HSF2BP: variants seen among roughly 807,000 people sequenced by gnomAD.
HSF2BP encodes the protein heat shock factor 2-binding protein.
In HSF2BP, 35 loss-of-function variants were observed where a neutral mutation model predicts 35.0. That is an observed-to-expected ratio of 1.00 (90% confidence interval 0.76 to 1.32). The LOEUF (loss-of-function observed/expected upper bound fraction) is 1.32. Among genes scored for constraint, HSF2BP ranks in the 40% most tolerant of loss-of-function variants. The pLI is 0.00. For missense variants in HSF2BP, 326 were observed against 321.7 expected (o/e 1.01, Z -0.10); for synonymous variants, 114 against 117.4 (o/e 0.97, Z 0.18).
intron 6 of HSF2BP, among the ~76,000 whole-genome samples, chr21:43,619,962 C>A (rs1366251369): frequency 6.6e-6 from 1 of 152,186 alleles, no homozygotes; most frequent in African/African-American, 2.4e-5. Context: ...TGTGACCTCC[C>A]CCATTCGGGA....
the HSF2BP span, among the ~76,000 whole-genome samples, chr21:43,467,952 A>G: frequency 1.4e-5 from 1 of 72,478 alleles, no homozygotes; most frequent in Non-Finnish European, 2.8e-5. Context: ...CACCACACAC[A>G]CCACACTTAC....
chr21:43,642,899 A>G (rs575409333), intron 4 of HSF2BP, among the ~76,000 whole-genome samples: 87 of 150,034 alleles, frequency 5.8e-4, no homozygotes, highest in African/African-American at 2.0e-3. Flanking sequence ...TCCCAGGTTC[A>G]AGCAATTCTC....
chr21:43,581,976 G>C (rs1231638873), intron 8 of HSF2BP, among the ~76,000 whole-genome samples: 1 of 142,466 alleles, frequency 7.0e-6, no homozygotes, highest in Admixed American at 6.9e-5. Context: ...GGCCTGCTGT[G>C]GGGGATGAGG....
intron 1 of HSF2BP, among the ~76,000 whole-genome samples, chr21:43,658,751 G>T (rs2082917902): frequency 6.6e-6 from 1 of 152,224 alleles, no homozygotes; most frequent in African/African-American, 2.4e-5. Context: ...TGCTCGCCAG[G>T]CCTCGGGACG....
chr21:43,577,702 G>A (rs963419248), intron 8 of HSF2BP, among the ~76,000 whole-genome samples: 14 of 152,300 alleles, frequency 9.2e-5, no homozygotes, highest in African/African-American at 3.4e-4. Flanking sequence ...TGACCTGCAC[G>A]TATACACCCA....
At chr21:43,466,533 A>AC in the HSF2BP span, among the ~76,000 whole-genome samples, 145 of 14,776 alleles carry the variant, frequency 9.8e-3, 48 homozygotes, top group African/African-American at 0.097. Context: ...CCAACGAGGC[A>AC]CCCCCCCCCC....
chr21:43,574,498 C>T (rs1030504319), intron 8 of HSF2BP, among the ~76,000 whole-genome samples: 1 of 152,142 alleles, frequency 6.6e-6, no homozygotes, highest in Non-Finnish European at 1.5e-5. Flanking sequence ...GCTGGGACTA[C>T]AGGCACCCGC....
At position 43,613,974 on chromosome 21, in the gene HSF2BP, C is replaced by T. The variant is rs371039713; in HGVS notation, c.575-27G>A. 4.7e-6 allele frequency: 7 copies of T among 1,494,586 alleles called. No homozygotes were observed. In the Admixed American group the frequency reaches 8.5e-5, roughly 18 times the overall value. The allele number at this position is 1,494,586 out of a possible 1,614,324, so 92.6% of individuals were successfully genotyped here. A position where few individuals can be genotyped will look rare whatever the true frequency, so the allele number is the denominator to read the frequency against. Reference sequence around the variant, plus strand: ...TGCAACAGAAAATGAAACAAAACATCAAGATCATTATGACTCAGAACCTAG... The same window carrying T: ...TGCAACAGAAAATGAAACAAAACATTAAGATCATTATGACTCAGAACCTAG... On this transcript the variant is annotated intron_variant, in intron 6 of 8. Transcript: ENST00000291560.
At chr21:43,610,979 G>C (rs1232191924) in intron 7 of HSF2BP, among the ~76,000 whole-genome samples, 4 of 152,004 alleles carry the variant, frequency 2.6e-5, no homozygotes, top group African/African-American at 9.7e-5. Context: ...TACTTAAAAG[G>C]AATGAACTAG....
At chr21:43,596,973 G>C (rs898537691) in intron 7 of HSF2BP, among the ~76,000 whole-genome samples, 1 of 151,706 alleles carries the variant, frequency 6.6e-6, no homozygotes, top group Non-Finnish European at 1.5e-5. Flanking sequence ...ACCAGGCAGC[G>C]ACCCTCAATC....
chr21:43,633,622 A>G (rs1296692661), intron 4 of HSF2BP, among the ~76,000 whole-genome samples: 1 of 152,272 alleles, frequency 6.6e-6, no homozygotes, highest in Non-Finnish European at 1.5e-5. Flanking sequence ...TTTGAGAAAT[A>G]TCTGAGGAAA....
At chr21:43,582,531 A>C (rs1447179289) in intron 8 of HSF2BP, among the ~76,000 whole-genome samples, 1 of 68,008 alleles carries the variant, frequency 1.5e-5, no homozygotes. Flanking sequence ...GGGCCTGCTG[A>C]GGGAGATGAG....
intron 6 of HSF2BP, among the ~76,000 whole-genome samples, chr21:43,622,244 G>A (rs974526462): frequency 2.6e-5 from 4 of 152,062 alleles, no homozygotes; most frequent in Non-Finnish European, 5.9e-5. Flanking sequence ...AAGGATGACA[G>A]TAAGAAAGCA....
intron 5 of HSF2BP, 35 bp from the exon 6 acceptor site, chr21:43,630,489 T>C (rs753968882): frequency 1.4e-4 from 231 of 1,594,106 alleles, no homozygotes; most frequent in Non-Finnish European, 1.9e-4. Context: ...CATATCTTTT[T>C]ACAGACACTA....
intron 8 of HSF2BP, among the ~76,000 whole-genome samples, chr21:43,586,819 T>TA (rs1375730578): frequency 6.6e-6 from 1 of 152,058 alleles, no homozygotes; most frequent in African/African-American, 2.4e-5. Context: ...TTTTTTTTTT[T>TA]AATGAAGTTT....
intron 8 of HSF2BP, among the ~76,000 whole-genome samples, chr21:43,580,476 G>T (rs2081711146): frequency 1.3e-5 from 2 of 152,158 alleles, no homozygotes; most frequent in Non-Finnish European, 2.9e-5. Context: ...TATGTTTCTT[G>T]TTAAAGTTAT....
intron 8 of HSF2BP, among the ~76,000 whole-genome samples, chr21:43,579,045 T>C (rs976129316): frequency 1.3e-5 from 2 of 152,216 alleles, no homozygotes; most frequent in African/African-American, 4.8e-5. Flanking sequence ...CCCACAAATA[T>C]TTGACAAATG....
intron 8 of HSF2BP, among the ~76,000 whole-genome samples, chr21:43,572,885 A>G (rs1156655392): frequency 6.6e-6 from 1 of 152,264 alleles, no homozygotes; most frequent in Admixed American, 6.5e-5. Flanking sequence ...CTTTTGGATT[A>G]CACCCAAATC....
At chr21:43,619,533 C>G (rs2146949051) in intron 6 of HSF2BP, among the ~76,000 whole-genome samples, 1 of 152,314 alleles carries the variant, frequency 6.6e-6, no homozygotes, top group South Asian at 2.1e-4. Flanking sequence ...TGAAAAAACT[C>G]TGAACAGACA....
Sources: gnomAD v4.1 joint callset for allele counts (sites outside exome capture counted in the v4.1 genomes callset) on GRCh38, gnomAD v4.1.1 for gene constraint, MANE v1.5 for transcripts, NCBI Gene and HGNC (gene_info 2026-07-23, HGNC 2026-07-21) for gene names.